STYXL1: variants seen among roughly 807,000 people sequenced by gnomAD.
STYXL1 encodes serine/threonine/tyrosine-interacting-like protein 1.
Under a neutral mutation model 36.4 loss-of-function variants are expected in STYXL1, and 32 were observed. The ratio of observed to expected loss-of-function variants is 0.88; its 90% CI spans 0.66 to 1.18. The LOEUF is 1.18. Ranked by LOEUF, STYXL1 falls within the 50% of genes most tolerant of loss-of-function variation. The pLI, the probability that STYXL1 is intolerant of heterozygous loss-of-function variation, is 0.00. For missense variants in STYXL1, 354 were observed against 394.1 expected, an observed-to-expected ratio of 0.90 and a Z score of 0.86; for synonymous variants, 133 against 144.1, an observed-to-expected ratio of 0.92 and a Z score of 0.55.
In STYXL1 at chr7:76,030,290, C is replaced by T. The variant is rs566600568; in HGVS notation, c.103+131G>A. The T allele has an allele frequency of 8.8e-6, 6 of 679,866 alleles. No individual in the cohort carries two copies. In the African/African-American group the frequency reaches 8.9e-5, roughly 10 times the overall value. The allele number at this position is 679,866 out of a possible 1,614,324, so 42.1% of individuals were successfully genotyped here. On this transcript the variant is annotated intron_variant, in intron 2 of 8. Transcript: ENST00000359697. ...CTGGGATTACAGGCGTGTGCCACCA[C>T]ACCCAGCCCAGGGATCCCTGTTCTA...
intron 7 of STYXL1, among the ~76,000 whole-genome samples, chr7:76,001,368 G>GC (rs1361152500): frequency 3.3e-5 from 5 of 152,228 alleles, no homozygotes. Flanking sequence ...AGCCAGTGTA[G>GC]CCTGAGTGCC....
Position 76,047,939 on chromosome 7 carries a change from C to T in STYXL1, c.-282G>A. On this transcript the variant is annotated 5_prime_UTR_variant, in exon 1 of 9. Transcript: ENST00000359697. ...GGCCACACAGACGGCTACGCTAGAA[C>T]CCAGCCAAACACCGGGGTTGCCAGG... 1.4e-6 allele frequency: 2 copies of T among 1,450,790 alleles called. No individual in the cohort carries two copies. Among genetic ancestry groups the T allele is most frequent in the Non-Finnish European group, 1.8e-6 (2 of 1,102,308 alleles). The allele number at this position is 1,450,790 out of a possible 1,614,324, so 89.9% of individuals were successfully genotyped here. A position where few individuals can be genotyped will look rare whatever the true frequency, so the allele number is the denominator to read the frequency against.
Position 76,047,956 on chromosome 7 carries a change from G to C in STYXL1, c.-299C>G. The C allele has an allele frequency of 2.5e-5, 36 of 1,456,594 alleles. No homozygotes were observed. In the South Asian group the frequency reaches 4.8e-4, roughly 20 times the overall value. The allele number at this position is 1,456,594 out of a possible 1,614,324, so 90.2% of individuals were successfully genotyped here. On this transcript the variant is annotated 5_prime_UTR_variant, in exon 1 of 9. Transcript: ENST00000359697. ...CGCTAGAACCCAGCCAAACACCGGG[G>C]TTGCCAGGATGGTCCCACAGCTTTC...
rs551555728 is a variant in STYXL1, at chr7:76,038,698, T to C, written c.-4-8171A>G. ...GCCTCGGCCTCCCAAAGTGCTGGGA[T>C]TACAGGCGTGAGCCACCGTTGAATG... is the stretch of plus-strand genomic sequence containing the variant. On this transcript the variant is annotated intron_variant, in intron 1 of 8. Transcript: ENST00000359697. Among the ~76,000 whole-genome samples, 29 of 151,542 alleles carry C rather than the reference T, an allele frequency of 1.9e-4. 1 individual carries two copies. Among genetic ancestry groups the C allele is most frequent in the African/African-American group, 7.1e-4 (29 of 40,884 alleles).
intron 5 of STYXL1, among the ~76,000 whole-genome samples, chr7:76,010,459 C>T (rs1270735620): frequency 6.6e-6 from 1 of 152,080 alleles, no homozygotes; most frequent in Non-Finnish European, 1.5e-5. Context: ...GGGTCATGGG[C>T]TTCCAAGTTA....
chr7:76,035,435 C>T (rs1554580504), intron 1 of STYXL1, among the ~76,000 whole-genome samples: 1 of 148,066 alleles, frequency 6.8e-6, no homozygotes, highest in Non-Finnish European at 1.5e-5. Flanking sequence ...TAGGTCCTCA[C>T]CCAATACCCC....
chr7:76,012,117 T>C (rs1190046508), intron 5 of STYXL1, among the ~76,000 whole-genome samples: 1 of 152,070 alleles, frequency 6.6e-6, no homozygotes, highest in Non-Finnish European at 1.5e-5. Flanking sequence ...CTGACCAACA[T>C]GGTGAAACCC....
chr7:75,997,839 A>G (rs984992712), intron 8 of STYXL1, among the ~76,000 whole-genome samples: 1 of 152,230 alleles, frequency 6.6e-6, no homozygotes, highest in East Asian at 1.9e-4. Context: ...GGAAATTAAG[A>G]AAACAATTCC....
chr7:76,000,952 T>C lies in STYXL1; in HGVS notation c.748A>G (p.Ile250Val), dbSNP rs1790835202. The change falls in exon 8 of 9, where the codon ATC (isoleucine) becomes GTC (valine). Residue 250 changes from isoleucine to valine, a missense_variant. Coordinates refer to ENST00000359697, the MANE Select transcript of STYXL1 (RefSeq NM_001317785.2). ...SVILIFSTQGISRSCAAIIAY... is the reference protein window; with the variant it reads ...SVILIFSTQGVSRSCAAIIAY... The stretch of plus-strand genomic sequence containing the variant: ...ATGATGGCGGCACAACTGCGGCTGA[T>C]ACCTTGGGTGGAAAAGATCAGAATG... 1.2e-6 allele frequency: 2 copies of C among 1,614,170 alleles called. No homozygotes were observed. The highest frequency in any genetic ancestry group is 8.5e-7 in the Non-Finnish European group (1 of 1,180,000).
intron 5 of STYXL1, among the ~76,000 whole-genome samples, chr7:76,009,656 G>A (rs564428396): frequency 7.9e-5 from 12 of 152,278 alleles, no homozygotes; most frequent in African/African-American, 1.2e-4. Flanking sequence ...TGATCCGCCC[G>A]CCTTGGCCTC....
intron 1 of STYXL1, among the ~76,000 whole-genome samples, chr7:76,043,824 A>G (rs1313061551): frequency 6.6e-6 from 1 of 152,202 alleles, no homozygotes; most frequent in Non-Finnish European, 1.5e-5. Flanking sequence ...CAAATGTGGG[A>G]GCCCAAAGAA....
intron 2 of STYXL1, among the ~76,000 whole-genome samples, chr7:76,029,835 G>C (rs1456886831): frequency 2.0e-5 from 3 of 152,130 alleles, no homozygotes; most frequent in Admixed American, 1.3e-4. Context: ...TGATCTGACA[G>C]CAGGTGGAGC....
At chr7:75,997,410 G>A (rs1468814958) in intron 8 of STYXL1, among the ~76,000 whole-genome samples, 1 of 152,092 alleles carries the variant, frequency 6.6e-6, no homozygotes, top group Admixed American at 6.6e-5. Context: ...CTCCAGCCTG[G>A]GTGACAGAGC....
At position 76,047,910 on chromosome 7, in the gene STYXL1, C is replaced by T; in HGVS notation, c.-253G>A. 7.0e-7 allele frequency: 1 copy of T among 1,420,818 alleles called. No homozygotes were observed. Among genetic ancestry groups the T allele is most frequent in the East Asian group, 2.6e-5 (1 of 37,850 alleles). The allele number at this position is 1,420,818 out of a possible 1,614,324, so 88.0% of individuals were successfully genotyped here. On this transcript the variant is annotated 5_prime_UTR_variant, in exon 1 of 9. Coordinates refer to ENST00000359697, the MANE Select transcript of STYXL1 (RefSeq NM_001317785.2). The stretch of plus-strand genomic sequence containing the variant: ...CCTCCCACTCCGACCGCAGGTCCCC[C>T]ACCGGCCACACAGACGGCTACGCTA...
In STYXL1 at chr7:75,996,427, G is replaced by A. The variant is rs1679347374; in HGVS notation, c.*41C>T. On this transcript the variant is annotated 3_prime_UTR_variant, in exon 9 of 9. Transcript: ENST00000359697. ...GCCCTCCACCCACAAAATGCCCCCAGGTGAGGCTCTTCAGTACCCTTCGGT... is the reference window on the plus strand; with the variant it reads ...GCCCTCCACCCACAAAATGCCCCCAAGTGAGGCTCTTCAGTACCCTTCGGT... 6.2e-7 allele frequency: 1 copy of A among 1,613,902 alleles called. No homozygotes were observed. Among genetic ancestry groups the A allele is most frequent in the African/African-American group, 1.3e-5 (1 of 74,946 alleles).
At chr7:76,023,882 A>T (rs1366161668) in intron 3 of STYXL1, among the ~76,000 whole-genome samples, 1 of 152,032 alleles carries the variant, frequency 6.6e-6, no homozygotes, top group African/African-American at 2.4e-5. Context: ...GTGTGGTGGC[A>T]CACGCCTATA....
intron 5 of STYXL1, among the ~76,000 whole-genome samples, chr7:76,006,915 G>A (rs1355041632): frequency 6.6e-6 from 1 of 152,152 alleles, no homozygotes; most frequent in Non-Finnish European, 1.5e-5. Flanking sequence ...GGGTTCAGGG[G>A]TTCAGATAAC....
intron 1 of STYXL1, among the ~76,000 whole-genome samples, chr7:76,033,251 T>C (rs1795565684): frequency 6.6e-6 from 1 of 151,920 alleles, no homozygotes; most frequent in Non-Finnish European, 1.5e-5. Flanking sequence ...GCTCAAGCAA[T>C]CCTCTGGCCT....
At position 75,996,376 on chromosome 7, in the gene STYXL1, AG is replaced by A. The variant is rs1790123116; in HGVS notation, c.*91del. 2 of 1,610,294 alleles carry A rather than the reference AG, an allele frequency of 1.2e-6. No individual in the cohort carries two copies. Among genetic ancestry groups the A allele is most frequent in the Non-Finnish European group, 1.7e-6 (2 of 1,178,574 alleles). ...CAGGCAGCAAAGGCCTTCTCCTTCC[AG>A]ACAAGCCTGGGTATACACACTCTGG... On this transcript the variant is annotated 3_prime_UTR_variant, in exon 9 of 9. Transcript: ENST00000359697.
Sources: gnomAD v4.1 joint callset for allele counts (sites outside exome capture counted in the v4.1 genomes callset) on GRCh38, gnomAD v4.1.1 for gene constraint, MANE v1.5 for transcripts, NCBI Gene and HGNC (gene_info 2026-07-23, HGNC 2026-07-21) for gene names.